Variants in SYT9 observed in about 807,000 individuals in gnomAD.
SYT9 encodes synaptotagmin 9, also known as synaptotagmin-9.
In SYT9, 22 loss-of-function variants were observed where a neutral mutation model predicts 48.4. That is an observed-to-expected ratio of 0.45 (90% CI 0.32 to 0.65). SYT9 has a LOEUF of 0.65. SYT9 is among the 30% of genes least tolerant of loss of function. The pLI, the probability that SYT9 is intolerant of heterozygous loss-of-function variation, is 0.03. For synonymous variants in SYT9, 265 were observed against 245.0 expected (o/e 1.08, Z -0.76); for missense variants, 577 against 622.0 (o/e 0.93, Z 0.77).
chr11:7,264,235 G>A (rs1235967806), intron 1 of SYT9, among the ~76,000 whole-genome samples: 2 of 152,116 alleles, frequency 1.3e-5, no homozygotes, highest in African/African-American at 2.4e-5. Context: ...TAAATGTTTA[G>A]GAGAGTGGAA....
intron 3 of SYT9, among the ~76,000 whole-genome samples, chr11:7,322,526 T>C (rs947343754): frequency 5.9e-5 from 9 of 152,134 alleles, no homozygotes; most frequent in African/African-American, 9.7e-5. Context: ...CCCCTTGATG[T>C]CTAGATTATT....
intron 6 of SYT9, among the ~76,000 whole-genome samples, chr11:7,449,772 G>C (rs1448943971): frequency 2.0e-5 from 3 of 152,166 alleles, no homozygotes; most frequent in Non-Finnish European, 4.4e-5. Context: ...CAGACCAGCT[G>C]TTCTCCTAGA....
At chr11:7,362,222 G>A (rs1370252454) in intron 3 of SYT9, among the ~76,000 whole-genome samples, 18 of 149,166 alleles carry the variant, frequency 1.2e-4, no homozygotes, top group South Asian at 6.4e-4. Flanking sequence ...TCGGCTTACT[G>A]CAACCTCCAC....
At chr11:7,371,366 T>C (rs1850358825) in intron 3 of SYT9, among the ~76,000 whole-genome samples, 1 of 152,110 alleles carries the variant, frequency 6.6e-6, no homozygotes, top group South Asian at 2.1e-4. Context: ...TCTTTTAAAA[T>C]AATCATCTAA....
At chr11:7,242,897 T>G (rs1487917402) in intron 1 of SYT9, among the ~76,000 whole-genome samples, 1 of 151,598 alleles carries the variant, frequency 6.6e-6, no homozygotes, top group Non-Finnish European at 1.5e-5. Context: ...AATACAAAAA[T>G]TAGCTAGGCA....
chr11:7,407,077 G>T (rs541641062), intron 3 of SYT9, among the ~76,000 whole-genome samples: 1 of 152,070 alleles, frequency 6.6e-6, no homozygotes, highest in Admixed American at 6.5e-5. Context: ...AGTTGTTTGA[G>T]TTCCTTTTAT....
At chr11:7,376,020 T>C (rs1382528097) in intron 3 of SYT9, among the ~76,000 whole-genome samples, 1 of 152,106 alleles carries the variant, frequency 6.6e-6, no homozygotes, top group African/African-American at 2.4e-5. Flanking sequence ...GTCTCCCTTT[T>C]CTAAAAGTAA....
chr11:7,310,689 G>T (rs1216738237), intron 2 of SYT9, among the ~76,000 whole-genome samples: 2 of 151,538 alleles, frequency 1.3e-5, no homozygotes, highest in African/African-American at 2.4e-5. Context: ...CTCGTGATCC[G>T]CCCACCTTGG....
intron 3 of SYT9, among the ~76,000 whole-genome samples, chr11:7,343,881 CA>C (rs1234533575): frequency 6.6e-6 from 1 of 152,134 alleles, no homozygotes; most frequent in Admixed American, 6.5e-5. Context: ...TACATGGTGG[CA>C]GGCAAGACAG....
chr11:7,307,822 G>C (rs575466430), intron 2 of SYT9, among the ~76,000 whole-genome samples: 9 of 152,338 alleles, frequency 5.9e-5, no homozygotes, highest in South Asian at 2.1e-4. Context: ...GTGAACAAAG[G>C]CTCATCTTAG....
At chr11:7,450,622 G>T (rs574080932) in intron 6 of SYT9, among the ~76,000 whole-genome samples, 14 of 152,360 alleles carry the variant, frequency 9.2e-5, no homozygotes, top group African/African-American at 3.4e-4. Flanking sequence ...ATCTCTGCCT[G>T]TTGGACATAG....
At chr11:7,462,562 A>G (rs1294778363) in intron 6 of SYT9, among the ~76,000 whole-genome samples, 1 of 152,228 alleles carries the variant, frequency 6.6e-6, no homozygotes, top group Non-Finnish European at 1.5e-5. Flanking sequence ...TTTTTCATAT[A>G]TTTGTAAAGC....
intron 2 of SYT9, among the ~76,000 whole-genome samples, chr11:7,312,492 T>C (rs955696736): frequency 6.6e-6 from 1 of 152,210 alleles, no homozygotes; most frequent in Non-Finnish European, 1.5e-5. Flanking sequence ...AAAACAACCT[T>C]GTATGTGATA....
At chr11:7,287,892 C>A (rs1327927905) in intron 1 of SYT9, among the ~76,000 whole-genome samples, 2 of 152,050 alleles carry the variant, frequency 1.3e-5, no homozygotes, top group Non-Finnish European at 2.9e-5. Flanking sequence ...CAACCAAACA[C>A]CTTATGTTTT....
Position 7,407,441 on chromosome 11 carries a change from C to T in SYT9, c.1045-8601C>T, listed in dbSNP as rs538665821. On this transcript the variant is annotated intron_variant, in intron 3 of 6. Transcript: ENST00000318881. ...CAGGCCGGACTGCGGACTGCAGTGG[C>T]GCAATCTCGGCTCACTGCAAGCTCC... is the stretch of plus-strand genomic sequence containing the variant. 2.7e-3 allele frequency among the ~76,000 whole-genome samples: 251 copies of T among 92,686 alleles called. 60 individuals are homozygous for T. The highest frequency in any genetic ancestry group is 3.4e-3 in the Non-Finnish European group (179 of 52,478). 60.8% of individuals were successfully genotyped at this position (92,686 alleles called of 152,430 possible). A position where few individuals can be genotyped will look rare whatever the true frequency, so the allele number is the denominator to read the frequency against.
At chr11:7,289,215 A>C (rs1848654993) in intron 1 of SYT9, among the ~76,000 whole-genome samples, 1 of 152,148 alleles carries the variant, frequency 6.6e-6, no homozygotes, top group African/African-American at 2.4e-5. Flanking sequence ...TTCCATATGT[A>C]CCTTTGCAAG....
chr11:7,270,483 T>C (rs2133885617), intron 1 of SYT9, among the ~76,000 whole-genome samples: 1 of 152,300 alleles, frequency 6.6e-6, no homozygotes, highest in East Asian at 1.9e-4. Context: ...AGCAAACCCA[T>C]TAGTGGTCAT....
chr11:7,247,619 G>T (rs1847809976), upstream of SYT9, among the ~76,000 whole-genome samples: 2 of 142,764 alleles, frequency 1.4e-5, no homozygotes, highest in African/African-American at 2.6e-5. Flanking sequence ...ATATATACGT[G>T]TATATATACG....
intron 6 of SYT9, among the ~76,000 whole-genome samples, chr11:7,432,579 AAAAATATATATACAT>A (rs1847616723): frequency 1.7e-3 from 12 of 7,154 alleles, no homozygotes; most frequent in African/African-American, 2.8e-3. Context: ...AAAAAAAAAA[AAAAATATATATACAT>A]ATATATATAT....
Sources: allele counts gnomAD v4.1 joint callset (sites outside exome capture counted in the v4.1 genomes callset), GRCh38; gene constraint gnomAD v4.1.1; transcripts MANE v1.5; gene names NCBI Gene and HGNC (gene_info 2026-07-23, HGNC 2026-07-21).